The following SUMF1 variants were observed in gnomAD, a reference collection of about 807,000 sequenced individuals.
SUMF1 encodes the protein formylglycine-generating enzyme.
Under a neutral mutation model 47.6 loss-of-function variants are expected in SUMF1, and 48 were observed. That is an observed-to-expected ratio of 1.01 (90% CI 0.80 to 1.28). SUMF1 has a LOEUF of 1.28. Ranked by LOEUF, SUMF1 falls within the 50% of genes most tolerant of loss-of-function variation. The probability of loss-of-function intolerance (pLI) is 0.00; values close to 1 mark genes in which losing one functional copy is unlikely to be tolerated. For synonymous variants in SUMF1, 230 were observed against 192.1 expected, an observed-to-expected ratio of 1.20 and a Z score of -1.63; for missense variants, 571 against 485.4, an observed-to-expected ratio of 1.18 and a Z score of -1.66.
intron 8 of SUMF1, among the ~76,000 whole-genome samples, chr3:4,179,656 C>T (rs903188021): frequency 9.9e-5 from 15 of 152,028 alleles, no homozygotes; most frequent in Admixed American, 4.6e-4. Flanking sequence ...GACTAAAACA[C>T]CAAAAGCAAT....
intron 8 of SUMF1, among the ~76,000 whole-genome samples, chr3:4,174,932 T>A (rs1694925084): frequency 6.6e-6 from 1 of 152,186 alleles, no homozygotes; most frequent in Admixed American, 6.5e-5. Context: ...TGCTCACTGC[T>A]ATTGCAGCAG....
At chr3:4,133,512 A>AT (rs1351471229) in intron 8 of SUMF1, among the ~76,000 whole-genome samples, 3 of 152,104 alleles carry the variant, frequency 2.0e-5, no homozygotes, top group Non-Finnish European at 4.4e-5. Context: ...GGAGATTAAC[A>AT]TTTGAGTCAG....
intron 8 of SUMF1, among the ~76,000 whole-genome samples, chr3:4,305,554 ATG>A (rs1340896846): frequency 6.6e-6 from 1 of 152,214 alleles, no homozygotes; most frequent in Non-Finnish European, 1.5e-5. Context: ...TCTCTATAGA[ATG>A]TGGATTTTTC....
At chr3:4,187,608 C>A (rs539845557) in intron 8 of SUMF1, among the ~76,000 whole-genome samples, 2 of 152,122 alleles carry the variant, frequency 1.3e-5, no homozygotes, top group South Asian at 4.1e-4. Context: ...TTGAGGGTTT[C>A]CCAATAAGTG....
chr3:4,158,945 A>G (rs1694513800), intron 8 of SUMF1, among the ~76,000 whole-genome samples: 1 of 151,394 alleles, frequency 6.6e-6, no homozygotes, highest in Non-Finnish European at 1.5e-5. Context: ...GCTACTCTAC[A>G]TTTTTTGATT....
At chr3:4,360,030 C>T (rs181628204), downstream of SUMF1, among the ~76,000 whole-genome samples, 461 of 152,198 alleles carry the variant, frequency 3.0e-3, 4 homozygotes, top group Non-Finnish European at 5.0e-3. Context: ...AAAATACTTA[C>T]GCAATGTAAC....
At chr3:4,458,362 G>A (rs1431086293) in intron 1 of SUMF1, among the ~76,000 whole-genome samples, 1 of 152,132 alleles carries the variant, frequency 6.6e-6, no homozygotes, top group East Asian at 1.9e-4. Flanking sequence ...ATATGATCCA[G>A]CTATCCCACT....
intron 8 of SUMF1, among the ~76,000 whole-genome samples, chr3:4,268,152 C>T (rs1036470196): frequency 1.8e-4 from 28 of 151,996 alleles, no homozygotes; most frequent in East Asian, 5.8e-4. Flanking sequence ...AACCAAACAC[C>T]GCATATTCTC....
At chr3:4,085,617 A>G (rs1692655326) in intron 8 of SUMF1, among the ~76,000 whole-genome samples, 1 of 152,066 alleles carries the variant, frequency 6.6e-6, no homozygotes, top group South Asian at 2.1e-4. Flanking sequence ...ACAAAAGTTC[A>G]TTCTCCCAGT....
intron 8 of SUMF1, among the ~76,000 whole-genome samples, chr3:4,234,408 G>T (rs1436766094): frequency 6.6e-6 from 1 of 151,984 alleles, no homozygotes; most frequent in African/African-American, 2.4e-5. Flanking sequence ...TTTCTTTCAT[G>T]TTTCTGCTTT....
At chr3:4,064,138 G>A (rs987675652) in intron 9 of SUMF1, among the ~76,000 whole-genome samples, 1 of 152,040 alleles carries the variant, frequency 6.6e-6, no homozygotes, top group African/African-American at 2.4e-5. Context: ...CCAGAGGTTA[G>A]GCATTCTCAG....
chr3:4,140,529 T>C (rs1421701316), intron 8 of SUMF1, among the ~76,000 whole-genome samples: 1 of 152,108 alleles, frequency 6.6e-6, no homozygotes, highest in East Asian at 1.9e-4. Context: ...TTCCTTTCTT[T>C]CTTTCCTGCT....
At chr3:4,318,724 A>G (rs1698749972) in intron 8 of SUMF1, among the ~76,000 whole-genome samples, 1 of 152,180 alleles carries the variant, frequency 6.6e-6, no homozygotes, top group Admixed American at 6.6e-5. Context: ...CCTGGCCAAT[A>G]TGGCAAAACC....
intron 4 of SUMF1, 80 bp downstream of exon 4, chr3:4,419,984 C>T: frequency 4.6e-6 from 5 of 1,089,470 alleles, no homozygotes; most frequent in Non-Finnish European, 7.1e-6. Flanking sequence ...TGAAGATGCC[C>T]ACTGAGTTCT....
intron 8 of SUMF1, among the ~76,000 whole-genome samples, chr3:4,274,683 C>G (rs1437371746): frequency 6.6e-6 from 1 of 152,080 alleles, no homozygotes; most frequent in Non-Finnish European, 1.5e-5. Context: ...GTAAAACATC[C>G]TGGGAAGAAG....
chr3:4,145,505 C>A (rs911710245), intron 8 of SUMF1, among the ~76,000 whole-genome samples: 3 of 152,110 alleles, frequency 2.0e-5, no homozygotes, highest in African/African-American at 7.2e-5. Context: ...CAAACCAAAT[C>A]TGCTTTCTTC....
intron 7 of SUMF1, among the ~76,000 whole-genome samples, chr3:4,390,905 T>C (rs1195472426): frequency 6.6e-6 from 1 of 152,182 alleles, no homozygotes; most frequent in Non-Finnish European, 1.5e-5. Context: ...ATGTGCAGTG[T>C]CCAGAGTTTT....
At chr3:4,303,529 A>AG (rs931013850) in intron 8 of SUMF1, 9 of 1,413,270 alleles carry the variant, frequency 6.4e-6, no homozygotes, top group Middle Eastern at 2.4e-4. Flanking sequence ...CCTTCCAGGT[A>AG]GGGGCGGGGC....
At chr3:4,108,213 A>G (rs2125067020) in intron 8 of SUMF1, among the ~76,000 whole-genome samples, 1 of 152,222 alleles carries the variant, frequency 6.6e-6, no homozygotes, top group South Asian at 2.1e-4. Flanking sequence ...CAGGTTGTTC[A>G]GTTTCCATGT....
Sources: allele counts gnomAD v4.1 joint callset (sites outside exome capture counted in the v4.1 genomes callset), GRCh38; gene constraint gnomAD v4.1.1; transcripts MANE v1.5; gene names NCBI Gene and HGNC (gene_info 2026-07-23, HGNC 2026-07-21).